Variants in PRPF39 observed in about 807,000 individuals in gnomAD.
PRPF39 encodes the protein pre-mRNA-processing factor 39.
In PRPF39, 27 loss-of-function variants were observed where a neutral mutation model predicts 82.1. The ratio of observed to expected loss-of-function variants is 0.33; its 90% CI spans 0.24 to 0.45. The LOEUF (loss-of-function observed/expected upper bound fraction) is 0.45, where lower values mean the gene tolerates loss of function less well. Ranked by LOEUF, PRPF39 falls within the 20% of genes least tolerant of loss-of-function variation. The pLI is 1.00. For missense variants in PRPF39, 581 were observed against 796.9 expected, an observed-to-expected ratio of 0.73 and a Z score of 3.26; for synonymous variants, 261 against 256.4, an observed-to-expected ratio of 1.02 and a Z score of -0.17.
chr14:45,115,291 C>CTT lies in PRPF39; in HGVS notation c.*395_*396dup, dbSNP rs369629100. 23 of 132,608 alleles carry CTT rather than the reference C, an allele frequency of 1.7e-4. No homozygotes were observed. Among genetic ancestry groups the CTT allele is most frequent in the East Asian group, 1.3e-3 (6 of 4,544 alleles). 8.2% of individuals were successfully genotyped at this position (132,608 alleles called of 1,614,324 possible). A position where few individuals can be genotyped will look rare whatever the true frequency, so the allele number is the denominator to read the frequency against. ...CACATAAGGGCTGGTTATTTACCTCCTTTTTTTTTTTTTTTTTTAAAGAAA... is the reference window on the plus strand; with the variant it reads ...CACATAAGGGCTGGTTATTTACCTCCTTTTTTTTTTTTTTTTTTTTAAAGAAA... On this transcript the variant is annotated 3_prime_UTR_variant, in exon 14 of 14. Coordinates refer to ENST00000355765, the MANE Select transcript of PRPF39 (RefSeq NM_017922.4).
At chr14:45,114,785 TTTAA>T (rs1884792029) in intron 13 of PRPF39, 68 bp from the exon 14 acceptor site, 1 of 1,431,360 alleles carries the variant, frequency 7.0e-7, no homozygotes. Context: ...ACATAGCTGC[TTTAA>T]TTATACTTTT....
chr14:45,114,802 A>G, intron 13 of PRPF39, 55 bp from the exon 14 acceptor site: 1 of 1,466,838 alleles, frequency 6.8e-7, no homozygotes, highest in Non-Finnish European at 9.5e-7. Flanking sequence ...ATACTTTTAC[A>G]TATGGAACTC....
chr14:45,090,338 C>G (rs1448276036), intron 1 of PRPF39, among the ~76,000 whole-genome samples: 1 of 152,168 alleles, frequency 6.6e-6, no homozygotes, highest in African/African-American at 2.4e-5. Context: ...TGGTAGTCTA[C>G]TACTTTGGAC....
intron 4 of PRPF39, among the ~76,000 whole-genome samples, chr14:45,102,195 TTC>T (rs1372027641): frequency 9.8e-5 from 15 of 152,342 alleles, no homozygotes; most frequent in Non-Finnish European, 7.4e-5. Flanking sequence ...TAATTTTGTC[TTC>T]TGTCATAAAT....
At chr14:45,093,141 A>G (rs1015381378) in intron 1 of PRPF39, among the ~76,000 whole-genome samples, 2 of 152,188 alleles carry the variant, frequency 1.3e-5, no homozygotes, top group Non-Finnish European at 2.9e-5. Context: ...ATATGTATTT[A>G]AAAAATCTAT....
At chr14:45,091,299 C>T (rs1566690245) in intron 1 of PRPF39, among the ~76,000 whole-genome samples, 1 of 152,140 alleles carries the variant, frequency 6.6e-6, no homozygotes, top group Non-Finnish European at 1.5e-5. Context: ...CACCACTGTG[C>T]CCAGCTAATT....
intron 4 of PRPF39, among the ~76,000 whole-genome samples, chr14:45,101,932 A>G (rs936435597): frequency 1.6e-4 from 24 of 149,856 alleles, no homozygotes; most frequent in African/African-American, 5.7e-4. Flanking sequence ...TCAGCCTCCC[A>G]AGTAGCTGGG....
chr14:45,114,759 T>C, intron 13 of PRPF39, 98 bp from the exon 14 acceptor site: 2 of 1,384,072 alleles, frequency 1.4e-6, no homozygotes, highest in Non-Finnish European at 1.0e-6. Flanking sequence ...CAGTGAACAC[T>C]TGCTTGTTTT....
chr14:45,089,350 G>A (rs958033785), intron 1 of PRPF39, among the ~76,000 whole-genome samples: 6 of 152,208 alleles, frequency 3.9e-5, no homozygotes, highest in African/African-American at 1.4e-4. Context: ...TTGAAGAGAC[G>A]ATCCCTTCCT....
chr14:45,096,232 C>G lies in PRPF39; in HGVS notation c.450+4C>G. Reference sequence around the variant, plus strand: ...CAACATTAAACCATCAGATGAGGTGCGTACATCACTGAATAAACTTATCTC... The same window carrying G: ...CAACATTAAACCATCAGATGAGGTGGGTACATCACTGAATAAACTTATCTC... On this transcript the variant is annotated splice_donor_region_variant and intron_variant, in intron 3 of 13. Transcript: ENST00000355765. The G allele has an allele frequency of 6.3e-7, 1 of 1,586,202 alleles. No individual in the cohort carries two copies. The highest frequency in any genetic ancestry group is 8.6e-7 in the Non-Finnish European group (1 of 1,166,252).
At chr14:45,096,675 C>T in intron 3 of PRPF39, 1 of 1,510,838 alleles carries the variant, frequency 6.6e-7, no homozygotes, top group South Asian at 1.2e-5. Flanking sequence ...GGTCAGAATG[C>T]AGGGACTGCT....
chr14:45,108,260 T>G (rs192056411), intron 6 of PRPF39, among the ~76,000 whole-genome samples, 155 bp from the exon 7 acceptor site: 1 of 152,208 alleles, frequency 6.6e-6, no homozygotes, highest in Non-Finnish European at 1.5e-5. Flanking sequence ...TTTAGTGTTG[T>G]TAATTGGATT....
At chr14:45,106,920 A>G (rs1263897843) in intron 5 of PRPF39, among the ~76,000 whole-genome samples, 2 of 152,278 alleles carry the variant, frequency 1.3e-5, no homozygotes, top group Middle Eastern at 3.4e-3. Flanking sequence ...GGGCAGTTTC[A>G]TTGGATTTTT....
chr14:45,096,250 C>G (rs1162717441), intron 3 of PRPF39, 22 bp downstream of exon 3: 2 of 1,559,894 alleles, frequency 1.3e-6, no homozygotes, highest in Non-Finnish European at 1.7e-6. Flanking sequence ...ACTGAATAAA[C>G]TTATCTCCAA....
intron 4 of PRPF39, among the ~76,000 whole-genome samples, chr14:45,097,908 T>C (rs1273885181): frequency 6.6e-6 from 1 of 152,140 alleles, no homozygotes. Context: ...TCAAATATTT[T>C]AGCTCTTTCT....
chr14:45,085,135 A>G (rs1331565345), intron 1 of PRPF39, among the ~76,000 whole-genome samples: 1 of 152,166 alleles, frequency 6.6e-6, no homozygotes, highest in Non-Finnish European at 1.5e-5. Context: ...TTGAAACTTA[A>G]GTGTTTTAGG....
intron 1 of PRPF39, among the ~76,000 whole-genome samples, chr14:45,089,560 C>T (rs1446154519): frequency 1.3e-5 from 2 of 152,210 alleles, no homozygotes; most frequent in Non-Finnish European, 2.9e-5. Context: ...CCTTGACTCC[C>T]ACTTCAGCCT....
intron 1 of PRPF39, among the ~76,000 whole-genome samples, chr14:45,093,223 A>ATT (rs1448798425): frequency 4.1e-5 from 6 of 145,464 alleles, no homozygotes; most frequent in African/African-American, 1.7e-4. Context: ...ATTATATATG[A>ATT]TTTATTTTTT....
chr14:45,092,173 C>T (rs1010186846), intron 1 of PRPF39, among the ~76,000 whole-genome samples: 6 of 152,174 alleles, frequency 3.9e-5, no homozygotes, highest in African/African-American at 1.2e-4. Context: ...TGGTCACTTA[C>T]ATGAGATTAA....
Sources: allele counts gnomAD v4.1 joint callset (sites outside exome capture counted in the v4.1 genomes callset), GRCh38; gene constraint gnomAD v4.1.1; transcripts MANE v1.5; gene names NCBI Gene and HGNC (gene_info 2026-07-23, HGNC 2026-07-21).